KLHL29: variants seen among roughly 807,000 people sequenced by gnomAD.
KLHL29 encodes the protein kelch like family member 29, also known as kelch-like protein 29.
Under a neutral mutation model 80.4 loss-of-function variants are expected in KLHL29, and 21 were observed. That is an observed-to-expected ratio of 0.26 (90% CI 0.19 to 0.38). The LOEUF is 0.38. KLHL29 is among the 10% of genes least tolerant of loss of function. KLHL29 has a pLI of 1.00. For missense variants in KLHL29, 867 were observed against 1,223.9 expected, an observed-to-expected ratio of 0.71 and a Z score of 4.35; for synonymous variants, 511 against 526.8, an observed-to-expected ratio of 0.97 and a Z score of 0.41.
At position 23,594,359 on chromosome 2, in the gene KLHL29, G is replaced by A. The variant is rs542765516; in HGVS notation, c.285+31878G>A. ...CGCAGACTTCCTGCCCGGCTCCTCC[G>A]GGCTCTGGAATGGCTCCCACCTGGA... On this transcript the variant is annotated intron_variant, in intron 3 of 13. Coordinates refer to ENST00000486442, the MANE Select transcript of KLHL29 (RefSeq NM_052920.2). Among the ~76,000 whole-genome samples, 34 of 152,148 alleles carry A rather than the reference G, an allele frequency of 2.2e-4. 1 individual carries two copies. In the South Asian group the frequency reaches 5.0e-3, roughly 22 times the overall value.
intron 2 of KLHL29, among the ~76,000 whole-genome samples, chr2:23,513,367 T>C (rs2103463809): frequency 6.6e-6 from 1 of 152,286 alleles, no homozygotes; most frequent in Middle Eastern, 3.4e-3. Context: ...CCATATGGGA[T>C]CTGAGGCTTC....
Position 23,562,462 on chromosome 2 carries a change from C to T in KLHL29, c.266C>T (p.Ala89Val), listed in dbSNP as rs575072973. 264 of 1,536,146 alleles carry T rather than the reference C, an allele frequency of 1.7e-4. 2 individuals are homozygous for T. The African/African-American group carries it at 2.9e-3, about 17-fold the overall frequency. Reference sequence around the variant, plus strand: ...ATCACCAGCCTCGTGGCCAGCTCTGCGTCTGCGGTCACCACCAAGGTAAGA... The same window carrying T: ...ATCACCAGCCTCGTGGCCAGCTCTGTGTCTGCGGTCACCACCAAGGTAAGA... Reference protein sequence around the residue: ...EAITSLVASSASAVTTKAPGI... With the variant: ...EAITSLVASSVSAVTTKAPGI... The change falls in exon 3 of 14, where the codon GCG becomes GTG. Residue 89 changes from alanine to valine, a missense_variant. Physicochemically the swap from Ala to Val is moderately conservative, Grantham distance 64. Transcript: ENST00000486442. This position sits in a 1 kb window ranked among gnomAD's most constrained non-coding sequence, Gnocchi z 4.5.
At chr2:23,632,894 G>T (rs2149151039) in intron 3 of KLHL29, among the ~76,000 whole-genome samples, 1 of 152,336 alleles carries the variant, frequency 6.6e-6, no homozygotes, top group Non-Finnish European at 1.5e-5. Context: ...CACCTAAGTG[G>T]GTTTGAGCCA....
intron 1 of KLHL29, among the ~76,000 whole-genome samples, chr2:23,465,333 C>T (rs1373190368): frequency 6.6e-6 from 1 of 152,226 alleles, no homozygotes; most frequent in Non-Finnish European, 1.5e-5. Flanking sequence ...CAGGGCATCA[C>T]CTGCTCATGC....
chr2:23,607,105 T>C (rs781393475), intron 3 of KLHL29, among the ~76,000 whole-genome samples: 6 of 152,196 alleles, frequency 3.9e-5, no homozygotes, highest in African/African-American at 1.4e-4. Flanking sequence ...GGCTTCCCCT[T>C]CTCATACCAT....
In KLHL29 at chr2:23,695,831, G is replaced by C; in HGVS notation, c.1741+10G>C. 3 of 1,544,734 alleles carry C rather than the reference G, an allele frequency of 1.9e-6. No homozygotes were observed. Among genetic ancestry groups the C allele is most frequent in the Non-Finnish European group, 1.7e-6 (2 of 1,144,648 alleles). On this transcript the variant is annotated intron_variant, in intron 9 of 13. Coordinates refer to ENST00000486442, the MANE Select transcript of KLHL29 (RefSeq NM_052920.2). This position sits in a 1 kb window ranked among gnomAD's most constrained non-coding sequence, Gnocchi z 7.6. ...CCGCGCCTCTCTGCAGGTATGAAGG[G>C]GCACGCCCCGAACCTCCCAAGAAGC...
chr2:23,670,391 C>T (rs1025606857), intron 5 of KLHL29: 2 of 152,294 alleles, frequency 1.3e-5, no homozygotes, highest in East Asian at 1.9e-4. Context: ...CGACTGGACT[C>T]GCCGACCGGT....
intron 5 of KLHL29, among the ~76,000 whole-genome samples, chr2:23,646,693 C>T (rs1014802494): frequency 6.6e-6 from 1 of 152,192 alleles, no homozygotes; most frequent in Non-Finnish European, 1.5e-5. Context: ...CCTATTCTGG[C>T]ACTGGACTTC....
At chr2:23,396,893 C>T (rs1253073523) in intron 1 of KLHL29, among the ~76,000 whole-genome samples, 1 of 152,134 alleles carries the variant, frequency 6.6e-6, no homozygotes, top group Non-Finnish European at 1.5e-5. Context: ...CCTCTCTTTC[C>T]CCCAAGAGGA....
At chr2:23,474,461 C>G (rs752309180) in intron 1 of KLHL29, among the ~76,000 whole-genome samples, 4 of 152,204 alleles carry the variant, frequency 2.6e-5, no homozygotes, top group Non-Finnish European at 5.9e-5. Flanking sequence ...GTACTCGCCA[C>G]TTTGGTTCTG....
Position 23,562,536 on chromosome 2 carries a change from T to C in KLHL29, c.285+55T>C. ...GCCGGACAGAGGGGCCCTGCCTCCC[T>C]GCAGGCTCAGGCCAGCCCCACAGGC... is the stretch of plus-strand genomic sequence containing the variant. On this transcript the variant is annotated intron_variant, in intron 3 of 13. Coordinates refer to ENST00000486442, the MANE Select transcript of KLHL29 (RefSeq NM_052920.2). This position sits in a 1 kb window ranked among gnomAD's most constrained non-coding sequence, Gnocchi z 4.5. The C allele has an allele frequency of 6.6e-7, 1 of 1,516,632 alleles. No homozygotes were observed. Among genetic ancestry groups the C allele is most frequent in the South Asian group, 1.2e-5 (1 of 81,980 alleles). 93.9% of individuals were successfully genotyped at this position (1,516,632 alleles called of 1,614,324 possible).
At chr2:23,517,917 TTTG>T (rs1331997655) in intron 2 of KLHL29, among the ~76,000 whole-genome samples, 1 of 152,188 alleles carries the variant, frequency 6.6e-6, no homozygotes, top group Admixed American at 6.5e-5. Flanking sequence ...AGTAGGTATT[TTTG>T]TTCTCCCTCA....
At chr2:23,394,331 G>T (rs1006879460) in intron 1 of KLHL29, among the ~76,000 whole-genome samples, 2 of 152,198 alleles carry the variant, frequency 1.3e-5, no homozygotes, top group Non-Finnish European at 2.9e-5. Flanking sequence ...GCTTCTAAAT[G>T]AGGGTAGATT....
At position 23,503,111 on chromosome 2, in the gene KLHL29, T is replaced by C. The variant is rs1301644079; in HGVS notation, c.-46+27444T>C. ...GTCGTAGTTGTGCCCTTTGTAAAAT[T>C]ACCCCAGGGCATGATAAGAAAAGGA... is the stretch of plus-strand genomic sequence containing the variant. On this transcript the variant is annotated intron_variant, in intron 2 of 13. Transcript: ENST00000486442. The surrounding 1 kb of genome is among the most constrained non-coding windows in gnomAD (Gnocchi z 4.0). 6.6e-6 allele frequency among the ~76,000 whole-genome samples: 1 copy of C among 152,214 alleles called. No individual in the cohort carries two copies. The highest frequency in any genetic ancestry group is 2.4e-5 in the African/African-American group (1 of 41,446).
chr2:23,475,933 G>A (rs550082559), intron 2 of KLHL29, among the ~76,000 whole-genome samples: 12 of 152,328 alleles, frequency 7.9e-5, no homozygotes, highest in Middle Eastern at 3.4e-3. Flanking sequence ...AGGCTGGAGC[G>A]CAGTGGCGCA....
intron 1 of KLHL29, among the ~76,000 whole-genome samples, chr2:23,422,761 CTGTGTGT>C (rs1662858204): frequency 6.7e-6 from 1 of 148,472 alleles, no homozygotes; most frequent in African/African-American, 2.5e-5. Flanking sequence ...GTCTGTGTCT[CTGTGTGT>C]TGTGTGTGTG....
In KLHL29 at chr2:23,596,797, G is replaced by A. The variant is rs530558825; in HGVS notation, c.285+34316G>A. Among the ~76,000 whole-genome samples the A allele has an allele frequency of 1.3e-5, 2 of 152,268 alleles. No individual in the cohort carries two copies. Among genetic ancestry groups the A allele is most frequent in the East Asian group, 3.9e-4 (2 of 5,186 alleles). Reference sequence around the variant, plus strand: ...ATCTCAGAAACAGGTTCCCCCAGGAGGACATAAATAAATAAGGGATTCCTG... The same window carrying A: ...ATCTCAGAAACAGGTTCCCCCAGGAAGACATAAATAAATAAGGGATTCCTG... On this transcript the variant is annotated intron_variant, in intron 3 of 13. Transcript: ENST00000486442. This position sits in a 1 kb window ranked among gnomAD's most constrained non-coding sequence, Gnocchi z 4.4.
intron 3 of KLHL29, among the ~76,000 whole-genome samples, chr2:23,601,844 C>T (rs1227774598): frequency 6.6e-6 from 1 of 152,200 alleles, no homozygotes. Context: ...ATTCATGCCC[C>T]AGCCTTTGCA....
Position 23,696,017 on chromosome 2 carries a change from T to A in KLHL29, c.1808T>A (p.Val603Glu). 6.4e-7 allele frequency: 1 copy of A among 1,551,706 alleles called. No homozygotes were observed. The highest frequency in any genetic ancestry group is 8.7e-7 in the Non-Finnish European group (1 of 1,146,998). Residue 603 changes from valine to glutamate, a missense_variant, in exon 10 of 14, where the codon GTG becomes GAG. Val to Glu is a moderately radical substitution (Grantham distance 121). Around this residue, in one of 2 missense-constraint regions of KLHL29, gnomAD observed 443 missense variants for 767.0 expected, o/e 0.58. Coordinates refer to ENST00000486442, the MANE Select transcript of KLHL29 (RefSeq NM_052920.2). The surrounding 1 kb of genome is among the most constrained non-coding windows in gnomAD (Gnocchi z 5.5). ...GTGGGGATGACCCAGCGCTCGCTGG[T>A]GGCCGTCACCTGCTGGAACCCGCAG... Reference protein sequence around the residue: ...QMVGMTQRSLVAVTCWNPQNN... With the variant: ...QMVGMTQRSLEAVTCWNPQNN...
Sources: allele counts gnomAD v4.1 joint callset (sites outside exome capture counted in the v4.1 genomes callset), GRCh38; gene constraint gnomAD v4.1.1; regional missense constraint gnomAD v4.1.1; non-coding constraint Gnocchi (gnomAD v3.1); transcripts MANE v1.5; gene names NCBI Gene and HGNC (gene_info 2026-07-23, HGNC 2026-07-21).